PPP2R2B: variants seen among roughly 807,000 people sequenced by gnomAD.
The protein encoded by PPP2R2B is serine/threonine-protein phosphatase 2A 55 kDa regulatory subunit B beta isoform.
PPP2R2B carries 5 observed loss-of-function variants against 46.0 expected under a neutral mutation model. The ratio of observed to expected loss-of-function variants is 0.11; its 90% CI spans 0.06 to 0.23. The LOEUF is 0.23. PPP2R2B is among the 10% of genes least tolerant of loss of function. The pLI is 1.00. For missense variants in PPP2R2B, 367 were observed against 575.0 expected, an observed-to-expected ratio of 0.64 and a Z score of 3.70; for synonymous variants, 215 against 206.7, an observed-to-expected ratio of 1.04 and a Z score of -0.34.
At chr5:146,623,633 A>G (rs188249459) in intron 7 of PPP2R2B, among the ~76,000 whole-genome samples, 1 of 152,252 alleles carries the variant, frequency 6.6e-6, no homozygotes, top group Non-Finnish European at 1.5e-5. Context: ...AGAATATGCT[A>G]TTTGACCCTG....
At chr5:146,853,462 A>C (rs1760470494) in intron 2 of PPP2R2B, among the ~76,000 whole-genome samples, 2 of 152,102 alleles carry the variant, frequency 1.3e-5, no homozygotes, top group African/African-American at 4.8e-5. Flanking sequence ...CTGTTTTCAA[A>C]TCCTGGCTTT....
chr5:146,892,005 T>A (rs944524879), intron 1 of PPP2R2B, among the ~76,000 whole-genome samples: 1 of 152,204 alleles, frequency 6.6e-6, no homozygotes, highest in Admixed American at 6.5e-5. Context: ...CATGGAGCGA[T>A]TACCGTCATT....
At chr5:146,972,094 C>T (rs1752687217) in intron 1 of PPP2R2B, among the ~76,000 whole-genome samples, 1 of 152,128 alleles carries the variant, frequency 6.6e-6, no homozygotes. Flanking sequence ...GACAGTCTCT[C>T]CGTCTTCCTT....
intron 2 of PPP2R2B, among the ~76,000 whole-genome samples, chr5:146,775,335 A>C (rs1020504525): frequency 3.9e-5 from 6 of 152,238 alleles, no homozygotes; most frequent in Admixed American, 1.3e-4. Context: ...AAGTGGTAAA[A>C]TGTATGAAAA....
chr5:147,072,485 C>G (rs568435219), intron 2 of PPP2R2B, among the ~76,000 whole-genome samples: 1 of 152,110 alleles, frequency 6.6e-6, no homozygotes, highest in Non-Finnish European at 1.5e-5. Flanking sequence ...CAAGATTACT[C>G]AATCACAGTA....
At chr5:146,662,329 C>T (rs762612694) in intron 5 of PPP2R2B, among the ~76,000 whole-genome samples, 12 of 152,150 alleles carry the variant, frequency 7.9e-5, no homozygotes, top group Non-Finnish European at 1.8e-4. Flanking sequence ...GTCAGTTCTG[C>T]CTCCCACCAA....
Position 146,587,832 on chromosome 5 carries a change from G to A in PPP2R2B, c.*2115C>T, listed in dbSNP as rs1770243826. The A allele has an allele frequency of 6.6e-6, 1 of 152,140 alleles. No homozygotes were observed. Among genetic ancestry groups the A allele is most frequent in the African/African-American group, 2.4e-5 (1 of 41,422 alleles). 9.4% of individuals were successfully genotyped at this position (152,140 alleles called of 1,614,324 possible). ...AGGCTAAGTCTTGCTTTTAAGAAAA[G>A]GTGACTTAAAAAAATGTTACATGAG... On this transcript the variant is annotated 3_prime_UTR_variant, in exon 10 of 10. Coordinates refer to ENST00000394411, the MANE Select transcript of PPP2R2B (RefSeq NM_181675.4).
intron 5 of PPP2R2B, among the ~76,000 whole-genome samples, chr5:146,684,061 C>T (rs1778340750): frequency 2.0e-5 from 3 of 152,106 alleles, no homozygotes; most frequent in Admixed American, 2.0e-4. Context: ...GCCGTTGGTG[C>T]CATTGCAAGC....
chr5:146,698,949 GAAGA>G (rs762566590), intron 3 of PPP2R2B, among the ~76,000 whole-genome samples: 1 of 151,646 alleles, frequency 6.6e-6, no homozygotes. Context: ...GGAAGAAAAA[GAAGA>G]AAGGAAGAGA....
intron 2 of PPP2R2B, among the ~76,000 whole-genome samples, chr5:146,865,471 A>G (rs1285293682): frequency 2.0e-5 from 3 of 152,198 alleles, no homozygotes; most frequent in Non-Finnish European, 2.9e-5. Flanking sequence ...ATTCTCTTAA[A>G]GGATCTTCCT....
chr5:146,911,088 C>CTTGTCTTT lies in PPP2R2B; in HGVS notation c.79+144576_79+144577insAAAGACAA, dbSNP rs760723260. 2.7e-3 allele frequency among the ~76,000 whole-genome samples: 390 copies of CTTGTCTTT among 142,194 alleles called. 4 individuals carry two copies. Among genetic ancestry groups the CTTGTCTTT allele is most frequent in the African/African-American group, 9.6e-3 (368 of 38,532 alleles). 93.3% of individuals were successfully genotyped at this position (142,194 alleles called of 152,430 possible). Reference sequence around the variant, plus strand: ...GATCAGATTGTCTGTTAGACACTTTCTTTTTTTTTTTTTGAGATGGAGTCT... The same window carrying CTTGTCTTT: ...GATCAGATTGTCTGTTAGACACTTTCTTGTCTTTTTTTTTTTTTTTTGAGATGGAGTCT... On this transcript the variant is annotated intron_variant, in intron 1 of 8. Transcript: ENST00000336640.
At chr5:146,781,391 C>T (rs1755521997) in intron 2 of PPP2R2B, among the ~76,000 whole-genome samples, 1 of 151,236 alleles carries the variant, frequency 6.6e-6, no homozygotes, top group Non-Finnish European at 1.5e-5. Context: ...TTGAAGAAGG[C>T]AACTTGAATA....
At chr5:146,700,861 G>T (rs1289941238) in intron 3 of PPP2R2B, among the ~76,000 whole-genome samples, 184 bp downstream of exon 3, 4 of 152,116 alleles carry the variant, frequency 2.6e-5, no homozygotes, top group African/African-American at 4.8e-5. Flanking sequence ...CCCAGAAAAG[G>T]CTCTCTTTTA....
intron 2 of PPP2R2B, among the ~76,000 whole-genome samples, chr5:146,732,775 A>T (rs1752309600): frequency 6.6e-6 from 1 of 152,068 alleles, no homozygotes; most frequent in Non-Finnish European, 1.5e-5. Flanking sequence ...TCAGCTACAA[A>T]CTCTAAATGA....
At chr5:146,914,176 T>G (rs1763291811) in intron 1 of PPP2R2B, 1 of 152,234 alleles carries the variant, frequency 6.6e-6, no homozygotes, top group South Asian at 2.1e-4. Flanking sequence ...TGCAATAATT[T>G]AAAACCAATA....
chr5:146,744,591 G>A (rs760263989), intron 2 of PPP2R2B, among the ~76,000 whole-genome samples: 8 of 152,172 alleles, frequency 5.3e-5, no homozygotes, highest in Non-Finnish European at 1.0e-4. Flanking sequence ...CATCCTGTGT[G>A]CTCCATCAGC....
intron 4 of PPP2R2B, among the ~76,000 whole-genome samples, chr5:146,695,256 G>A (rs1465463426): frequency 6.6e-6 from 1 of 151,964 alleles, no homozygotes; most frequent in Admixed American, 6.6e-5. Context: ...CTCTCTGGAT[G>A]GGAACACTTT....
At chr5:146,717,350 C>T (rs1024169058) in intron 2 of PPP2R2B, among the ~76,000 whole-genome samples, 9 of 152,182 alleles carry the variant, frequency 5.9e-5, no homozygotes, top group Non-Finnish European at 1.0e-4. Context: ...AAGTTATTGC[C>T]TCTGGAGGAT....
chr5:146,870,342 G>A (rs1271672008), intron 2 of PPP2R2B, among the ~76,000 whole-genome samples: 1 of 152,104 alleles, frequency 6.6e-6, no homozygotes, highest in East Asian at 1.9e-4. Flanking sequence ...GAGGTCATAA[G>A]GATAAGGTCT....
Sources: allele counts gnomAD v4.1 joint callset (sites outside exome capture counted in the v4.1 genomes callset), GRCh38; gene constraint gnomAD v4.1.1; transcripts MANE v1.5; gene names NCBI Gene and HGNC (gene_info 2026-07-23, HGNC 2026-07-21).